The following DNAI1 variants were observed in gnomAD, a reference collection of about 807,000 sequenced individuals.
The protein encoded by DNAI1 is dynein, axonemal, intermediate polypeptide 1.
DNAI1 carries 67 observed loss-of-function variants against 92.0 expected under a neutral mutation model. That is an observed-to-expected ratio of 0.73 (90% confidence interval 0.60 to 0.89). The LOEUF is 0.89. Ranked by LOEUF, DNAI1 falls within the 40% of genes least tolerant of loss-of-function variation. The probability of loss-of-function intolerance (pLI) is 0.00; values close to 1 mark genes in which losing one functional copy is unlikely to be tolerated. For missense variants in DNAI1, 839 were observed against 866.6 expected (o/e 0.97, Z 0.40); for synonymous variants, 323 against 319.6 (o/e 1.01, Z -0.11).
At chr9:34,512,226 T>C (rs1825079278) in intron 14 of DNAI1, 28 bp downstream of exon 14, 1 of 1,612,758 alleles carries the variant, frequency 6.2e-7, no homozygotes, top group African/African-American at 1.3e-5. Flanking sequence ...AGGGTCACAC[T>C]GGGGTGATTG....
chr9:34,484,059 A>G (rs918598877), intron 2 of DNAI1, among the ~76,000 whole-genome samples: 2 of 151,970 alleles, frequency 1.3e-5, no homozygotes, highest in African/African-American at 4.8e-5. Flanking sequence ...CTACTAAAAT[A>G]CAAAGATTTG....
intron 16 of DNAI1, among the ~76,000 whole-genome samples, chr9:34,513,713 C>T (rs1373417292): frequency 6.6e-6 from 1 of 152,184 alleles, no homozygotes; most frequent in Non-Finnish European, 1.5e-5. Context: ...ATGTTAATTA[C>T]AGGCAGCCTC....
intron 15 of DNAI1, 40 bp downstream of exon 15, chr9:34,512,464 T>A (rs956603783): frequency 1.3e-6 from 2 of 1,584,014 alleles, no homozygotes; most frequent in Admixed American, 3.4e-5. Flanking sequence ...CCTGGCCAGG[T>A]CATTCAGGCC....
chr9:34,468,780 T>G (rs1390188505), intron 1 of DNAI1, among the ~76,000 whole-genome samples: 1 of 151,210 alleles, frequency 6.6e-6, no homozygotes, highest in African/African-American at 2.4e-5. Flanking sequence ...GAGCTGCGGC[T>G]GTGCCACTGC....
chr9:34,481,046 G>C (rs1332443466), intron 1 of DNAI1, among the ~76,000 whole-genome samples: 2 of 152,102 alleles, frequency 1.3e-5, no homozygotes, highest in Admixed American at 6.6e-5. Context: ...TTCAATACCA[G>C]CCTGGCCAAC....
At chr9:34,459,167 T>C in intron 1 of DNAI1, 114 bp downstream of exon 1, 1 of 1,042,948 alleles carries the variant, frequency 9.6e-7, no homozygotes, top group Non-Finnish European at 1.5e-6. Flanking sequence ...CCCAGCCTTC[T>C]CACCCCCGTG....
chr9:34,509,317 G>A (rs1205003571), intron 13 of DNAI1, among the ~76,000 whole-genome samples: 2 of 152,162 alleles, frequency 1.3e-5, no homozygotes, highest in Non-Finnish European at 2.9e-5. Context: ...AGAGTAGCCT[G>A]TTGGGAAGTG....
intron 16 of DNAI1, 152 bp downstream of exon 16, chr9:34,513,343 C>T (rs1382812767): frequency 2.9e-6 from 2 of 696,522 alleles, no homozygotes; most frequent in Non-Finnish European, 5.2e-6. Flanking sequence ...TCTTGACCTG[C>T]TTGGGTGATA....
At chr9:34,494,818 C>T (rs1293793920) in intron 9 of DNAI1, among the ~76,000 whole-genome samples, 1 of 152,200 alleles carries the variant, frequency 6.6e-6, no homozygotes, top group Non-Finnish European at 1.5e-5. Context: ...CACCCTCCCC[C>T]AGCCCCACCT....
chr9:34,514,853 G>A, intron 18 of DNAI1, 114 bp downstream of exon 18: 1 of 1,149,638 alleles, frequency 8.7e-7, no homozygotes, highest in Non-Finnish European at 1.3e-6. Context: ...GAGAAGGCGG[G>A]ACATAAGGAC....
At chr9:34,464,965 A>G (rs1229965607) in intron 1 of DNAI1, among the ~76,000 whole-genome samples, 1 of 152,254 alleles carries the variant, frequency 6.6e-6, no homozygotes, top group African/African-American at 2.4e-5. Context: ...GAGAAGTAAG[A>G]AGACAACAAG....
At position 34,520,983 on chromosome 9, in the gene DNAI1, C is replaced by T. The variant is rs1825270810; in HGVS notation, c.*227C>T. 1 of 601,302 alleles carries T rather than the reference C, an allele frequency of 1.7e-6. No homozygotes were observed. Among genetic ancestry groups the T allele is most frequent in the South Asian group, 1.9e-5 (1 of 51,640 alleles). The allele number at this position is 601,302 out of a possible 1,614,324, so 37.2% of individuals were successfully genotyped here. A position where few individuals can be genotyped will look rare whatever the true frequency, so the allele number is the denominator to read the frequency against. ...GCACAAATAAACCTGTGTAGAAACC[C>T]ACCCCACACCTTTAATTGTGCTACC... On this transcript the variant is annotated 3_prime_UTR_variant, in exon 20 of 20. Coordinates refer to ENST00000242317, the MANE Select transcript of DNAI1 (RefSeq NM_012144.4).
chr9:34,476,256 C>T (rs189848046), intron 1 of DNAI1, among the ~76,000 whole-genome samples: 2 of 152,306 alleles, frequency 1.3e-5, no homozygotes, highest in South Asian at 2.1e-4. Flanking sequence ...CCCCTAACCC[C>T]GCTGCAGATA....
In DNAI1 at chr9:34,517,399, A is replaced by G. The variant is rs1463071173; in HGVS notation, c.1933A>G (p.Ile645Val). ...GTTCAATCTCATCCACCCCATCATC[A>G]TTGTGGGCGATGACCGTGGGCACAT... ...VQFNLIHPII[I>V]VGDDRGHIIS... The change falls in exon 19 of 20, where the codon ATT becomes GTT. Residue 645 changes from isoleucine (I) to valine (V), a missense_variant. Transcript: ENST00000242317. 4.3e-6 allele frequency: 7 copies of G among 1,614,116 alleles called. No homozygotes were observed. The South Asian group carries it at 5.5e-5, about 13-fold the overall frequency.
At chr9:34,501,364 A>T (rs1824828064) in intron 12 of DNAI1, among the ~76,000 whole-genome samples, 183 bp downstream of exon 12, 1 of 152,270 alleles carries the variant, frequency 6.6e-6, no homozygotes, top group Admixed American at 6.5e-5. Context: ...GAATATTCTA[A>T]GCTGAATGTG....
rs565990305 is a variant in DNAI1, at chr9:34,485,235, G to A, written c.175G>A (p.Asp59Asn). The A allele has an allele frequency of 2.8e-5, 45 of 1,614,174 alleles. No homozygotes were observed. Among genetic ancestry groups the A allele is most frequent in the African/African-American group, 2.5e-4 (19 of 75,044 alleles). Residue 59 changes from aspartate to asparagine, a missense_variant, in exon 3 of 20, where the codon GAT (aspartate) becomes AAT (asparagine). Asp to Asn is a conservative substitution (Grantham distance 23). Transcript: ENST00000242317. ...ACCCCCTGACCAGCTGGAGTTGACC[G>A]ATGCGGTGAGTGAGTAGCCTCTTGT... ...VRPPDQLELTDAELKEEFTRI... is the reference protein window; with the variant it reads ...VRPPDQLELTNAELKEEFTRI...
intron 13 of DNAI1, 51 bp downstream of exon 13, chr9:34,506,925 G>A: frequency 1.3e-6 from 2 of 1,593,500 alleles, no homozygotes; most frequent in Non-Finnish European, 1.7e-6. Context: ...TGTGGGCCTG[G>A]AGCCACTGGA....
chr9:34,505,438 C>T (rs1824907398), intron 12 of DNAI1, among the ~76,000 whole-genome samples: 3 of 152,208 alleles, frequency 2.0e-5, no homozygotes. Flanking sequence ...AGGATAATCT[C>T]CTCCATCTCA....
intron 1 of DNAI1, among the ~76,000 whole-genome samples, chr9:34,472,965 A>G (rs1466059530): frequency 6.6e-6 from 1 of 152,118 alleles, no homozygotes; most frequent in Non-Finnish European, 1.5e-5. Context: ...ACAATTCTGT[A>G]GTCACACTGC....
Sources: gnomAD v4.1 joint callset for allele counts (sites outside exome capture counted in the v4.1 genomes callset) on GRCh38, gnomAD v4.1.1 for gene constraint, MANE v1.5 for transcripts, NCBI Gene and HGNC (gene_info 2026-07-23, HGNC 2026-07-21) for gene names.